The following TERB1 variants were observed in gnomAD, a reference collection of about 807,000 sequenced individuals.
TERB1 encodes telomere repeat binding bouquet formation protein 1.
Under a neutral mutation model 92.3 loss-of-function variants are expected in TERB1, and 63 were observed. That is an observed-to-expected ratio of 0.68 (90% CI 0.56 to 0.84). The LOEUF (loss-of-function observed/expected upper bound fraction) is 0.84. TERB1 is among the 40% of genes least tolerant of loss of function. The pLI, the probability that TERB1 is intolerant of heterozygous loss-of-function variation, is 0.00. For missense variants in TERB1, 709 were observed against 843.7 expected (o/e 0.84, Z 1.98); for synonymous variants, 252 against 283.9 (o/e 0.89, Z 1.13).
At chr16:66,773,313 G>T (rs1311911452) in intron 12 of TERB1, among the ~76,000 whole-genome samples, 1 of 152,146 alleles carries the variant, frequency 6.6e-6, no homozygotes, top group South Asian at 2.1e-4. Context: ...CAGCCCTGGC[G>T]ACAGAGTGAG....
intron 9 of TERB1, among the ~76,000 whole-genome samples, chr16:66,783,046 G>T (rs2018664616): frequency 6.6e-6 from 1 of 152,136 alleles, no homozygotes; most frequent in Non-Finnish European, 1.5e-5. Flanking sequence ...TAGATACAGG[G>T]TCTTTCTATG....
intron 12 of TERB1, among the ~76,000 whole-genome samples, 189 bp from the exon 13 acceptor site, chr16:66,772,938 A>G (rs962019738): frequency 6.6e-6 from 1 of 152,226 alleles, no homozygotes; most frequent in Non-Finnish European, 1.5e-5. Flanking sequence ...GTCATAAATC[A>G]GACTTTACTC....
intron 9 of TERB1, among the ~76,000 whole-genome samples, chr16:66,781,326 G>C (rs1237253594): frequency 2.0e-5 from 3 of 152,038 alleles, no homozygotes; most frequent in Non-Finnish European, 4.4e-5. Flanking sequence ...CAAAGCACTG[G>C]GATTACAGGC....
intron 7 of TERB1, 26 bp from the exon 8 acceptor site, chr16:66,786,155 T>A (rs1477669092): frequency 3.3e-6 from 5 of 1,533,904 alleles, no homozygotes; most frequent in Admixed American, 4.0e-5. Flanking sequence ...GAAAAGAAAG[T>A]AAATTAATAC....
chr16:66,790,759 G>T, intron 4 of TERB1, 36 bp from the exon 5 acceptor site: 2 of 1,540,096 alleles, frequency 1.3e-6, no homozygotes, highest in Non-Finnish European at 1.8e-6. Context: ...AAATAGAAAT[G>T]ATATTTATTT....
intron 13 of TERB1, 98 bp downstream of exon 13, chr16:66,772,491 T>A: frequency 8.5e-7 from 1 of 1,177,760 alleles, no homozygotes; most frequent in Non-Finnish European, 1.2e-6. Context: ...CAAAAAAAAT[T>A]AACAAAAAAT....
chr16:66,774,534 C>A (rs182040652), intron 12 of TERB1, among the ~76,000 whole-genome samples: 12 of 152,204 alleles, frequency 7.9e-5, no homozygotes, highest in Admixed American at 4.6e-4. Context: ...CAATAAGTAA[C>A]CCTTAGTCCA....
At chr16:66,755,269 TAC>T in intron 18 of TERB1, 106 bp from the exon 19 acceptor site, 3 of 706,672 alleles carry the variant, frequency 4.2e-6, no homozygotes, top group South Asian at 2.1e-5. Flanking sequence ...GGATATAAAC[TAC>T]AGAGTGAGAA....
chr16:66,772,101 A>C (rs1302339745), intron 13 of TERB1, among the ~76,000 whole-genome samples: 1 of 152,174 alleles, frequency 6.6e-6, no homozygotes, highest in Non-Finnish European at 1.5e-5. Flanking sequence ...TTCCAGTATT[A>C]CTATGGAGTT....
intron 6 of TERB1, among the ~76,000 whole-genome samples, chr16:66,786,669 A>G (rs2018733577): frequency 6.6e-6 from 1 of 152,192 alleles, no homozygotes; most frequent in Non-Finnish European, 1.5e-5. Context: ...GCGCCTCCTC[A>G]GGCCTCTCTG....
chr16:66,774,610 G>A (rs1037749515), intron 12 of TERB1, among the ~76,000 whole-genome samples: 2 of 151,844 alleles, frequency 1.3e-5, no homozygotes, highest in Admixed American at 6.6e-5. Context: ...CTATACTGCT[G>A]CTCTCTTCCA....
chr16:66,781,519 C>CT (rs34191078), intron 9 of TERB1, among the ~76,000 whole-genome samples: 22,909 of 121,054 alleles, frequency 0.19, 4,656 homozygotes, highest in African/African-American at 0.49. Context: ...GGTACAAATT[C>CT]TTTTTTTTTT....
At chr16:66,799,201 A>G (rs1959218267) in intron 2 of TERB1, among the ~76,000 whole-genome samples, 1 of 152,128 alleles carries the variant, frequency 6.6e-6, no homozygotes, top group African/African-American at 2.4e-5. Flanking sequence ...TCTGCTTTTA[A>G]TGTAATTTTT....
At chr16:66,786,427 T>A in intron 6 of TERB1, 142 bp from the exon 7 acceptor site, 1 of 602,604 alleles carries the variant, frequency 1.7e-6, no homozygotes. Context: ...TTACGGTGGA[T>A]AAAAATCTGC....
chr16:66,797,937 C>A (rs1373580362), intron 2 of TERB1, among the ~76,000 whole-genome samples: 1 of 152,004 alleles, frequency 6.6e-6, no homozygotes, highest in East Asian at 1.9e-4. Flanking sequence ...AGAAAAAATG[C>A]CTCAGAGTCC....
At chr16:66,781,844 T>G (rs977711620) in intron 9 of TERB1, among the ~76,000 whole-genome samples, 1 of 152,146 alleles carries the variant, frequency 6.6e-6, no homozygotes, top group South Asian at 2.1e-4. Flanking sequence ...GATAAATGTT[T>G]CTTAAATATT....
Position 66,779,033 on chromosome 16 carries a change from C to A in TERB1, c.701-18G>T, listed in dbSNP as rs560660196. 3 of 1,450,582 alleles carry A rather than the reference C, an allele frequency of 2.1e-6. No individual in the cohort carries two copies. The highest frequency in any genetic ancestry group is 2.9e-5 in the South Asian group (2 of 70,084). The allele number at this position is 1,450,582 out of a possible 1,614,324, so 89.9% of individuals were successfully genotyped here. A position where few individuals can be genotyped will look rare whatever the true frequency, so the allele number is the denominator to read the frequency against. On this transcript the variant is annotated intron_variant, in intron 9 of 18. Transcript: ENST00000433154. ...AACATATGCTTAAAGAATAAAGTAG[C>A]AAAACTATTAATATTTCAAACAAGA...
At chr16:66,789,780 G>A (rs529862395) in intron 5 of TERB1, among the ~76,000 whole-genome samples, 15 of 148,100 alleles carry the variant, frequency 1.0e-4, no homozygotes, top group African/African-American at 3.0e-4. Flanking sequence ...GCATAATCTC[G>A]GCCCACTGCC....
intron 16 of TERB1, among the ~76,000 whole-genome samples, chr16:66,763,218 A>G (rs1045606114): frequency 7.9e-5 from 12 of 150,986 alleles, no homozygotes; most frequent in Non-Finnish European, 1.8e-4. Flanking sequence ...CAATCCTCCC[A>G]CCTCAGCCTC....
Sources: allele counts gnomAD v4.1 joint callset (sites outside exome capture counted in the v4.1 genomes callset), GRCh38; gene constraint gnomAD v4.1.1; transcripts MANE v1.5; gene names NCBI Gene and HGNC (gene_info 2026-07-23, HGNC 2026-07-21).